CDR2L: variants seen among roughly 807,000 people sequenced by gnomAD.
CDR2L encodes cerebellar degeneration-related protein 2-like.
Under a neutral mutation model 36.1 loss-of-function variants are expected in CDR2L, and 19 were observed. That is an observed-to-expected ratio of 0.53 (90% confidence interval 0.37 to 0.77). The LOEUF (loss-of-function observed/expected upper bound fraction) is 0.77. Ranked by LOEUF, CDR2L falls within the 30% of genes least tolerant of loss-of-function variation. The pLI is 0.00. For missense variants in CDR2L, 575 were observed against 627.2 expected (o/e 0.92, Z 0.89); for synonymous variants, 285 against 280.4 (o/e 1.02, Z -0.16).
In CDR2L at chr17:75,003,915, A is replaced by T; in HGVS notation, c.1239A>T (p.Ala413=). 6 of 1,610,336 alleles carry T rather than the reference A, an allele frequency of 3.7e-6. No individual in the cohort carries two copies. Among genetic ancestry groups the T allele is most frequent in the Non-Finnish European group, 5.1e-6 (6 of 1,178,510 alleles). ...AGGAGGGCCAGGGTGAGGTCAAGGCAGGAGAGAAGAGCCTGAGCCAGCACG... is the reference window on the plus strand; with the variant it reads ...AGGAGGGCCAGGGTGAGGTCAAGGCTGGAGAGAAGAGCCTGAGCCAGCACG... The part of the protein sequence containing the change: ...GGEEGQGEVK[A]GEKSLSQHVE... The change falls in exon 5 of 5, where the codon GCA becomes GCT. Residue 413 remains alanine, a synonymous_variant. Coordinates refer to ENST00000337231, the MANE Select transcript of CDR2L (RefSeq NM_014603.3).
intron 1 of CDR2L, among the ~76,000 whole-genome samples, chr17:74,994,719 C>A (rs2039814931): frequency 2.6e-5 from 4 of 152,066 alleles, no homozygotes; most frequent in Admixed American, 2.6e-4. Flanking sequence ...AGTCCTCCCA[C>A]ATCAACTTCT....
At position 74,988,058 on chromosome 17, in the gene CDR2L, C is replaced by A; in HGVS notation, c.15C>A (p.Ala5=). MRRA[A]GMEDFSAEEE... is the part of the protein sequence containing the mutation. ...CCCGCGGGGCCATGCGGAGAGCCGC[C>A]GGGATGGAGGACTTCTCCGCGGAGG... Residue 5 remains alanine, a synonymous_variant, in exon 1 of 5, where the codon GCC becomes GCA. Coordinates refer to ENST00000337231, the MANE Select transcript of CDR2L (RefSeq NM_014603.3). The A allele has an allele frequency of 6.6e-7, 1 of 1,525,480 alleles. No individual in the cohort carries two copies. The allele number at this position is 1,525,480 out of a possible 1,614,324, so 94.5% of individuals were successfully genotyped here.
intron 2 of CDR2L, 72 bp downstream of exon 2, chr17:74,999,688 A>G (rs2039853095): frequency 1.1e-6 from 1 of 874,306 alleles, no homozygotes; most frequent in Non-Finnish European, 1.8e-6. Context: ...TATGCAACTT[A>G]GAATAAGGTG....
chr17:74,992,357 G>T (rs915089822), intron 1 of CDR2L, among the ~76,000 whole-genome samples: 7 of 145,304 alleles, frequency 4.8e-5, no homozygotes, highest in Non-Finnish European at 1.1e-4. Context: ...ACTTAATGTT[G>T]TTTTTTTTTT....
At chr17:74,990,509 A>T (rs1044846394) in intron 1 of CDR2L, among the ~76,000 whole-genome samples, 6 of 152,206 alleles carry the variant, frequency 3.9e-5, no homozygotes, top group African/African-American at 1.4e-4. Flanking sequence ...CGTCAGAGTG[A>T]GGGGTTCTGC....
rs991129502 is a variant in CDR2L at position 75,003,184 on chromosome 17, T to G, written c.508T>G (p.Cys170Gly). Residue 170 changes from cysteine to glycine, a missense_variant and splice_region_variant, in exon 5 of 5, where the codon TGC becomes GGC. Physicochemically the swap from Cys to Gly is radical, Grantham distance 159 (BLOSUM62 -3). Transcript: ENST00000337231. The stretch of plus-strand genomic sequence containing the variant: ...GCTGCGACTCTCACTACCCGCCAGG[T>G]GCAAGGATGCTTTCCGCCTACACAG... ...CLKELCTSPR[C>G]KDAFRLHSSS... The G allele has an allele frequency of 5.8e-6, 9 of 1,560,294 alleles. No homozygotes were observed. Among genetic ancestry groups the G allele is most frequent in the Non-Finnish European group, 6.1e-6 (7 of 1,153,324 alleles).
intron 2 of CDR2L, 106 bp from the exon 3 acceptor site, chr17:75,001,235 A>C (rs2039864588): frequency 2.6e-6 from 3 of 1,168,070 alleles, no homozygotes; most frequent in Non-Finnish European, 3.4e-6. Flanking sequence ...CTCTGTATCA[A>C]AAGAAAAGAA....
At position 75,003,791 on chromosome 17, in the gene CDR2L, G is replaced by C. The variant is rs2039884713; in HGVS notation, c.1115G>C (p.Ser372Thr). The change falls in exon 5 of 5, where the codon AGC becomes ACC. Residue 372 changes from serine to threonine, a missense_variant. Ser to Thr is a moderately conservative substitution (Grantham distance 58). Coordinates refer to ENST00000337231, the MANE Select transcript of CDR2L (RefSeq NM_014603.3). ...CTGGAGAAGTACGAGGAGCTGCTGAGCAAGTGCCGGCAGCACGGGGCCGGA... is the reference window on the plus strand; with the variant it reads ...CTGGAGAAGTACGAGGAGCTGCTGACCAAGTGCCGGCAGCACGGGGCCGGA... ...ALLEKYEELL[S>T]KCRQHGAGVR... 1 of 1,529,798 alleles carries C rather than the reference G, an allele frequency of 6.5e-7. No homozygotes were observed. The highest frequency in any genetic ancestry group is 8.8e-7 in the Non-Finnish European group (1 of 1,136,564). 94.8% of individuals were successfully genotyped at this position (1,529,798 alleles called of 1,614,324 possible). A position where few individuals can be genotyped will look rare whatever the true frequency, so the allele number is the denominator to read the frequency against.
intron 1 of CDR2L, among the ~76,000 whole-genome samples, chr17:74,988,363 C>G (rs550332113): frequency 1.3e-5 from 2 of 152,228 alleles, no homozygotes; most frequent in African/African-American, 4.8e-5. Context: ...TCCTATTTTC[C>G]CAGACGACCG....
Position 75,005,651 on chromosome 17 carries a change from AG to A in CDR2L, c.*1580del, listed in dbSNP as rs201402975. The A allele has an allele frequency of 0.013, 1,953 of 152,858 alleles. 36 individuals are homozygous for A. Among genetic ancestry groups the A allele is most frequent in the Middle Eastern group, 0.085 (25 of 294 alleles). 9.5% of individuals were successfully genotyped at this position (152,858 alleles called of 1,614,324 possible). The stretch of plus-strand genomic sequence containing the variant: ...GTTATCTGGGGGAGAGGAGTGTGGA[AG>A]GGTTGGGGGAAGAGCTCCAGCCTGT... On this transcript the variant is annotated 3_prime_UTR_variant, in exon 5 of 5. Coordinates refer to ENST00000337231, the MANE Select transcript of CDR2L (RefSeq NM_014603.3). This position sits in a 1 kb window ranked among gnomAD's most constrained non-coding sequence, Gnocchi z 4.2.
At chr17:75,000,861 T>C (rs951041294) in intron 2 of CDR2L, among the ~76,000 whole-genome samples, 3 of 149,094 alleles carry the variant, frequency 2.0e-5, no homozygotes, top group Non-Finnish European at 4.4e-5. Flanking sequence ...GAGCTTGCAG[T>C]GAGCCGATGT....
rs2039782466 is a variant in CDR2L, at chr17:74,989,410, A to ACACACACACAC, written c.79+1288_79+1289insCACACACACAC. Among the ~76,000 whole-genome samples, 7 of 130,684 alleles carry ACACACACACAC rather than the reference A, an allele frequency of 5.4e-5. No individual in the cohort carries two copies. Among genetic ancestry groups the ACACACACACAC allele is most frequent in the Non-Finnish European group, 8.0e-5 (5 of 62,736 alleles). The allele number at this position is 130,684 out of a possible 152,430, so 85.7% of individuals were successfully genotyped here. ...CTGAAATGAGATACAGCTCCTCTCA[A>ACACACACACAC]ACACACACACACACACACACACACA... On this transcript the variant is annotated intron_variant, in intron 1 of 4. Coordinates refer to ENST00000337231, the MANE Select transcript of CDR2L (RefSeq NM_014603.3). The surrounding 1 kb of genome is among the most constrained non-coding windows in gnomAD (Gnocchi z 4.2).
In CDR2L at chr17:75,005,626, G is replaced by GT. The variant is rs1250307469; in HGVS notation, c.*1554dup. 1.3e-5 allele frequency: 2 copies of GT among 152,860 alleles called. No homozygotes were observed. Among genetic ancestry groups the GT allele is most frequent in the African/African-American group, 4.8e-5 (2 of 41,464 alleles). The allele number at this position is 152,860 out of a possible 1,614,324, so 9.5% of individuals were successfully genotyped here. A position where few individuals can be genotyped will look rare whatever the true frequency, so the allele number is the denominator to read the frequency against. ...AGCTCCCTGCCCTCCGTGTGTGTCTGTTATCTGGGGGAGAGGAGTGTGGAA... is the reference window on the plus strand; with the variant it reads ...AGCTCCCTGCCCTCCGTGTGTGTCTGTTTATCTGGGGGAGAGGAGTGTGGAA... On this transcript the variant is annotated 3_prime_UTR_variant, in exon 5 of 5. Transcript: ENST00000337231. The surrounding 1 kb of genome is among the most constrained non-coding windows in gnomAD (Gnocchi z 4.2).
At chr17:75,001,525 G>A in intron 3 of CDR2L, 36 bp downstream of exon 3, 2 of 1,490,786 alleles carry the variant, frequency 1.3e-6, no homozygotes, top group Non-Finnish European at 1.8e-6. Context: ...GGCGGGCGAG[G>A]GAGAGCCCCA....
Position 75,001,487 on chromosome 17 carries a change from T to C in CDR2L, c.339T>C (p.His113=), listed in dbSNP as rs557174385. The change falls in exon 3 of 5, where the codon CAT becomes CAC. Residue 113 remains histidine, a splice_region_variant and synonymous_variant. Transcript: ENST00000337231. ...LESKAAQQKI[H]GLTETIERLQ... is the part of the protein sequence containing the mutation. Reference sequence around the variant, plus strand: ...GTAAGGCTGCCCAGCAGAAGATCCATGGGTGAGGGCCCGGCTGAGGGCTGG... The same window carrying C: ...GTAAGGCTGCCCAGCAGAAGATCCACGGGTGAGGGCCCGGCTGAGGGCTGG... 9.0e-6 allele frequency: 14 copies of C among 1,559,104 alleles called. No homozygotes were observed. Among genetic ancestry groups the C allele is most frequent in the African/African-American group, 2.7e-5 (2 of 73,190 alleles).
In CDR2L at chr17:75,004,308, A is replaced by G. The variant is rs539371413; in HGVS notation, c.*234A>G. On this transcript the variant is annotated 3_prime_UTR_variant, in exon 5 of 5. Coordinates refer to ENST00000337231, the MANE Select transcript of CDR2L (RefSeq NM_014603.3). ...CCCAAAGGCGCAGCTCTGAGTTCAA[A>G]GCCAAATGTCCCCACTACCCCAGGG... 3 of 482,512 alleles carry G rather than the reference A, an allele frequency of 6.2e-6. No homozygotes were observed. 29.9% of individuals were successfully genotyped at this position (482,512 alleles called of 1,614,324 possible).
In CDR2L at chr17:75,004,019, A is replaced by G. The variant is rs141354780; in HGVS notation, c.1343A>G (p.Gln448Arg). 31 of 1,611,006 alleles carry G rather than the reference A, an allele frequency of 1.9e-5. No homozygotes were observed. Among genetic ancestry groups the G allele is most frequent in the African/African-American group, 1.3e-5 (1 of 74,890 alleles). ...ALFKEIFSRI[Q>R]KTKADINATK... Reference sequence around the variant, plus strand: ...TTCAAAGAGATCTTCTCCAGGATCCAGAAGACCAAGGCTGACATCAACGCC... The same window carrying G: ...TTCAAAGAGATCTTCTCCAGGATCCGGAAGACCAAGGCTGACATCAACGCC... Residue 448 changes from glutamine to arginine, a missense_variant, in exon 5 of 5, where the codon CAG becomes CGG. Transcript: ENST00000337231.
At chr17:75,001,556 C>A (rs902644309) in intron 3 of CDR2L, 67 bp downstream of exon 3, 11 of 1,350,868 alleles carry the variant, frequency 8.1e-6, no homozygotes, top group Non-Finnish European at 9.8e-6. Flanking sequence ...TACACAGGGG[C>A]CCATGGACTG....
At position 74,989,410 on chromosome 17, in the gene CDR2L, A is replaced by AACACAC. The variant is rs61110164; in HGVS notation, c.79+1320_79+1325dup. On this transcript the variant is annotated intron_variant, in intron 1 of 4. Coordinates refer to ENST00000337231, the MANE Select transcript of CDR2L (RefSeq NM_014603.3). This position sits in a 1 kb window ranked among gnomAD's most constrained non-coding sequence, Gnocchi z 4.2. ...CTGAAATGAGATACAGCTCCTCTCA[A>AACACAC]ACACACACACACACACACACACACA... 0.058 allele frequency among the ~76,000 whole-genome samples: 7,523 copies of AACACAC among 130,586 alleles called. 282 individuals carry two copies. Among genetic ancestry groups the AACACAC allele is most frequent in the South Asian group, 0.14 (564 of 3,940 alleles). The allele number at this position is 130,586 out of a possible 152,430, so 85.7% of individuals were successfully genotyped here.
Sources: allele counts gnomAD v4.1 joint callset (sites outside exome capture counted in the v4.1 genomes callset), GRCh38; gene constraint gnomAD v4.1.1; non-coding constraint Gnocchi (gnomAD v3.1); transcripts MANE v1.5; gene names NCBI Gene and HGNC (gene_info 2026-07-23, HGNC 2026-07-21).